The following SHANK2 variants were observed in gnomAD, a reference collection of about 807,000 sequenced individuals.
The protein encoded by SHANK2 is SH3 and multiple ankyrin repeat domains 2.
A neutral mutation model predicts 133.7 loss-of-function variants in SHANK2; 43 were observed. The observed-to-expected ratio is 0.32, with a 90% CI of 0.25 to 0.41. SHANK2 has a LOEUF of 0.41. Ranked by LOEUF, SHANK2 falls within the 10% of genes least tolerant of loss-of-function variation. The pLI, the probability that SHANK2 is intolerant of heterozygous loss-of-function variation, is 1.00. For synonymous variants in SHANK2, 1,017 were observed against 952.8 expected (o/e 1.07, Z -1.24); for missense variants, 1,994 against 2,235.8 (o/e 0.89, Z 2.18).
chr11:71,144,379 T>C (rs1428637074), intron 3 of SHANK2, among the ~76,000 whole-genome samples: 2 of 152,214 alleles, frequency 1.3e-5, no homozygotes, highest in Non-Finnish European at 2.9e-5. Context: ...TTACAAGTTC[T>C]GTCTCTTCCT....
At chr11:70,494,830 T>C (rs1591500907) in intron 21 of SHANK2, among the ~76,000 whole-genome samples, 2 of 152,062 alleles carry the variant, frequency 1.3e-5, no homozygotes, top group South Asian at 2.1e-4. Context: ...CAGCACTCTC[T>C]CCCTTCATGA....
At position 70,765,039 on chromosome 11, in the gene SHANK2, A is replaced by T. The variant is rs1158077174; in HGVS notation, c.1777+33404T>A. ...CAACAGCCCAAGGGAAGAAGACTAC[A>T]CCAGTTCTGTTTTGATCGGGGAGAG... On this transcript the variant is annotated intron_variant, in intron 14 of 25. Transcript: ENST00000601538. Among the ~76,000 whole-genome samples the T allele has an allele frequency of 2.0e-5, 3 of 152,190 alleles. No homozygotes were observed. In the East Asian group the frequency reaches 5.8e-4, roughly 29 times the overall value.
At chr11:70,923,961 A>T (rs1555081102) in intron 10 of SHANK2, among the ~76,000 whole-genome samples, 1 of 152,174 alleles carries the variant, frequency 6.6e-6, no homozygotes, top group Non-Finnish European at 1.5e-5. Context: ...CTGCCCAGTG[A>T]TGGCTCCCCC....
chr11:71,132,976 A>G (rs555666577), intron 3 of SHANK2, among the ~76,000 whole-genome samples: 1 of 152,202 alleles, frequency 6.6e-6, no homozygotes, highest in Non-Finnish European at 1.5e-5. Context: ...TGGTCTTAGC[A>G]ACCAGTTAAT....
intron 14 of SHANK2, among the ~76,000 whole-genome samples, chr11:70,795,326 G>A (rs1352212774): frequency 6.6e-6 from 1 of 151,930 alleles, no homozygotes; most frequent in Non-Finnish European, 1.5e-5. Flanking sequence ...CGGCCCATCA[G>A]TTTACTTGAC....
intron 1 of SHANK2, among the ~76,000 whole-genome samples, chr11:71,233,077 C>T (rs1241862095): frequency 6.6e-6 from 1 of 151,594 alleles, no homozygotes; most frequent in Non-Finnish European, 1.5e-5. Flanking sequence ...TTTGGGGGGC[C>T]GAGGTGGGAG....
In SHANK2 at chr11:70,596,859, G is replaced by A. The variant is rs548927271; in HGVS notation, c.2061+62969C>T. On this transcript the variant is annotated intron_variant, in intron 17 of 25. Coordinates refer to ENST00000601538, the MANE Select transcript of SHANK2 (RefSeq NM_012309.5). ...AGGAGGAGAGAACAGAGGACAGTGCGTCGGGCTGTGGCACAACATGGGCAC... is the reference window on the plus strand; with the variant it reads ...AGGAGGAGAGAACAGAGGACAGTGCATCGGGCTGTGGCACAACATGGGCAC... Among the ~76,000 whole-genome samples the A allele has an allele frequency of 7.2e-5, 11 of 152,338 alleles. No individual in the cohort carries two copies. The South Asian group carries it at 1.0e-3, about 14-fold the overall frequency.
intron 24 of SHANK2, 85 bp downstream of exon 24, chr11:70,489,242 CA>C: frequency 3.0e-6 from 4 of 1,338,538 alleles, no homozygotes; most frequent in Non-Finnish European, 4.3e-6. Context: ...ATTCTGTTCC[CA>C]AGGAGTACTA....
intron 2 of SHANK2, among the ~76,000 whole-genome samples, chr11:71,180,631 T>A (rs184621184): frequency 8.7e-4 from 132 of 152,294 alleles, no homozygotes; most frequent in African/African-American, 2.8e-3. Context: ...ACAGATGGCA[T>A]TTTTTTGGCG....
At chr11:70,501,552 T>C (rs1242021599) in intron 20 of SHANK2, among the ~76,000 whole-genome samples, 1 of 152,174 alleles carries the variant, frequency 6.6e-6, no homozygotes, top group Non-Finnish European at 1.5e-5. Context: ...CCACCCTCTT[T>C]CCAAAGGTGT....
At chr11:70,786,661 G>A (rs1947660608) in intron 14 of SHANK2, among the ~76,000 whole-genome samples, 2 of 152,154 alleles carry the variant, frequency 1.3e-5, no homozygotes, top group Non-Finnish European at 2.9e-5. Flanking sequence ...ATCAAGAGGG[G>A]ATGTGAGGAA....
chr11:70,835,003 G>A (rs1466384314), intron 11 of SHANK2, among the ~76,000 whole-genome samples: 1 of 152,164 alleles, frequency 6.6e-6, no homozygotes, highest in East Asian at 1.9e-4. Flanking sequence ...GGGGGCAGCG[G>A]GGAGGAGCTC....
chr11:70,549,004 G>A (rs2059730892), intron 17 of SHANK2, among the ~76,000 whole-genome samples: 1 of 152,068 alleles, frequency 6.6e-6, no homozygotes, highest in Admixed American at 6.6e-5. Flanking sequence ...GGGAAAGCAT[G>A]GCCCTGCTGA....
chr11:70,834,555 C>A (rs1322937083), intron 11 of SHANK2, among the ~76,000 whole-genome samples: 3 of 152,172 alleles, frequency 2.0e-5, no homozygotes, highest in African/African-American at 7.2e-5. Flanking sequence ...TCCTGCCCAT[C>A]CCCCACCAGA....
rs1049695433 is a variant in SHANK2, at chr11:70,710,165, C to T, written c.1778-11402G>A. On this transcript the variant is annotated intron_variant, in intron 14 of 25. Coordinates refer to ENST00000601538, the MANE Select transcript of SHANK2 (RefSeq NM_012309.5). The stretch of plus-strand genomic sequence containing the variant: ...GGCTGCTGAGCGCCTCCTCAGTGGC[C>T]GTGGGAAGACAGGGCCTTGACCCCT... Among the ~76,000 whole-genome samples the T allele has an allele frequency of 7.9e-5, 12 of 152,280 alleles. No homozygotes were observed. In the East Asian group the frequency reaches 1.9e-3, roughly 25 times the overall value.
At chr11:70,869,608 G>A (rs182738338) in intron 11 of SHANK2, among the ~76,000 whole-genome samples, 45 of 152,252 alleles carry the variant, frequency 3.0e-4, no homozygotes, top group African/African-American at 7.0e-4. Context: ...GCTCCTGACC[G>A]TCCACAGCAC....
chr11:70,786,880 A>G (rs1555046588), intron 14 of SHANK2, among the ~76,000 whole-genome samples: 1 of 152,120 alleles, frequency 6.6e-6, no homozygotes, highest in East Asian at 1.9e-4. Context: ...TGCTAGTCAC[A>G]TCACTACCAC....
intron 5 of SHANK2, among the ~76,000 whole-genome samples, chr11:71,112,168 TG>T (rs1555099444): frequency 6.6e-6 from 1 of 152,152 alleles, no homozygotes. Flanking sequence ...CCGAGGCGGA[TG>T]GATCACCTAA....
At position 70,470,260 on chromosome 11, in the gene SHANK2, A is replaced by AAGAC. The variant is rs2058581461; in HGVS notation, c.*2605_*2608dup. Reference sequence around the variant, plus strand: ...GATAGGTCTATTACTTCTCTATAATAAGACAGTGTAAAAATAAACTATGTT... The same window carrying AAGAC: ...GATAGGTCTATTACTTCTCTATAATAAGACAGACAGTGTAAAAATAAACTATGTT... On this transcript the variant is annotated 3_prime_UTR_variant, in exon 26 of 26. Coordinates refer to ENST00000601538, the MANE Select transcript of SHANK2 (RefSeq NM_012309.5). 2.0e-5 allele frequency: 3 copies of AAGAC among 152,392 alleles called. No homozygotes were observed. The highest frequency in any genetic ancestry group is 7.2e-5 in the African/African-American group (3 of 41,470). The allele number at this position is 152,392 out of a possible 1,614,324, so 9.4% of individuals were successfully genotyped here. A position where few individuals can be genotyped will look rare whatever the true frequency, so the allele number is the denominator to read the frequency against.
Sources: allele counts gnomAD v4.1 joint callset (sites outside exome capture counted in the v4.1 genomes callset), GRCh38; gene constraint gnomAD v4.1.1; transcripts MANE v1.5; gene names NCBI Gene and HGNC (gene_info 2026-07-23, HGNC 2026-07-21).